Variants in TENM2 observed in about 807,000 individuals in gnomAD.
TENM2 encodes teneurin transmembrane protein 2.
TENM2 carries 52 observed loss-of-function variants against 245.2 expected under a neutral mutation model. That is an observed-to-expected ratio of 0.21 (90% confidence interval 0.17 to 0.27). The LOEUF is 0.27. TENM2 is among the 10% of genes least tolerant of loss of function. The pLI, the probability that TENM2 is intolerant of heterozygous loss-of-function variation, is 1.00. For synonymous variants in TENM2, 1,363 were observed against 1,438.9 expected, an observed-to-expected ratio of 0.95 and a Z score of 1.19; for missense variants, 3,046 against 3,666.8, an observed-to-expected ratio of 0.83 and a Z score of 4.37.
intron 2 of TENM2, among the ~76,000 whole-genome samples, chr5:167,602,408 G>A (rs1211018209): frequency 1.3e-5 from 2 of 152,098 alleles, no homozygotes; most frequent in Non-Finnish European, 2.9e-5. Context: ...CAGGGTTCAC[G>A]CCTTCATATT....
chr5:168,096,428 T>C (rs919040901), intron 8 of TENM2, among the ~76,000 whole-genome samples: 1 of 152,248 alleles, frequency 6.6e-6, no homozygotes, highest in Admixed American at 6.5e-5. Flanking sequence ...GAAATGTTAA[T>C]TGTTGTTACA....
At chr5:167,755,458 G>A (rs1228232689) in intron 2 of TENM2, among the ~76,000 whole-genome samples, 14 of 147,840 alleles carry the variant, frequency 9.5e-5, no homozygotes, top group African/African-American at 7.5e-5. Context: ...TATTTCACCA[G>A]AAAAAAAAAA....
At chr5:167,301,023 G>A (rs959643562) in intron 1 of TENM2, among the ~76,000 whole-genome samples, 1 of 152,138 alleles carries the variant, frequency 6.6e-6, no homozygotes, top group African/African-American at 2.4e-5. Context: ...TGAAAAGAAG[G>A]TAATGTGGAG....
chr5:168,065,782 G>T (rs1245959705), intron 7 of TENM2, among the ~76,000 whole-genome samples: 2 of 148,198 alleles, frequency 1.3e-5, no homozygotes, highest in Non-Finnish European at 3.0e-5. Context: ...TATTATTTTT[G>T]TTATAATAAA....
intron 5 of TENM2, among the ~76,000 whole-genome samples, chr5:168,004,497 A>C (rs947120624): frequency 3.3e-5 from 4 of 122,350 alleles, no homozygotes; most frequent in African/African-American, 1.4e-4. Context: ...CCCATTTGGG[A>C]TGCACGCATG....
At chr5:167,662,723 C>G (rs890022561) in intron 2 of TENM2, among the ~76,000 whole-genome samples, 18 of 151,992 alleles carry the variant, frequency 1.2e-4, no homozygotes, top group African/African-American at 3.6e-4. Context: ...CAATCTTTTC[C>G]CTGGGATAAA....
chr5:167,663,448 C>A (rs918225461), intron 2 of TENM2, among the ~76,000 whole-genome samples: 2 of 152,120 alleles, frequency 1.3e-5, no homozygotes, highest in Non-Finnish European at 2.9e-5. Flanking sequence ...AGAATAAACT[C>A]TTTTTCTCTG....
chr5:167,971,471 C>G (rs1728898619), intron 4 of TENM2, among the ~76,000 whole-genome samples: 1 of 152,098 alleles, frequency 6.6e-6, no homozygotes, highest in South Asian at 2.1e-4. Context: ...GAGGCCGAGG[C>G]AGGTGGATCA....
chr5:168,009,118 A>G (rs1319605869), intron 5 of TENM2, among the ~76,000 whole-genome samples: 4 of 152,234 alleles, frequency 2.6e-5, no homozygotes, highest in Non-Finnish European at 5.9e-5. Flanking sequence ...AGTCATTGGA[A>G]TATACATTAA....
intron 2 of TENM2, among the ~76,000 whole-genome samples, chr5:167,491,405 A>C (rs1768420397): frequency 6.6e-6 from 1 of 152,108 alleles, no homozygotes; most frequent in Admixed American, 6.6e-5. Context: ...CTTGTTCTTA[A>C]CTTTATTCAC....
chr5:167,081,411 A>G, the TENM2 span, among the ~76,000 whole-genome samples: 1 of 152,166 alleles, frequency 6.6e-6, no homozygotes, highest in Non-Finnish European at 1.5e-5. Flanking sequence ...ATAGTGAGTT[A>G]AATAATATAA....
the TENM2 span, among the ~76,000 whole-genome samples, chr5:167,279,448 T>C: frequency 1.3e-5 from 2 of 152,078 alleles, no homozygotes; most frequent in Non-Finnish European, 2.9e-5. Context: ...GTTTCTTTCT[T>C]TCTATCTTTC....
intron 2 of TENM2, among the ~76,000 whole-genome samples, chr5:167,449,367 G>A (rs1765421880): frequency 6.6e-6 from 1 of 152,136 alleles, no homozygotes; most frequent in African/African-American, 2.4e-5. Context: ...GGTGAAGGTG[G>A]GTGGGATGCT....
intron 2 of TENM2, among the ~76,000 whole-genome samples, chr5:167,604,645 T>C (rs1175319445): frequency 6.6e-6 from 1 of 152,198 alleles, no homozygotes; most frequent in African/African-American, 2.4e-5. Context: ...TTCTGATACC[T>C]GGAGCATCAG....
chr5:167,317,795 C>T (rs1036379190), intron 1 of TENM2, among the ~76,000 whole-genome samples: 46 of 152,084 alleles, frequency 3.0e-4, no homozygotes, highest in Non-Finnish European at 5.9e-5. Context: ...TCCTTGCCTG[C>T]TGAGATCATT....
intron 3 of TENM2, among the ~76,000 whole-genome samples, chr5:167,942,537 G>C (rs368096236): frequency 1.1e-4 from 16 of 152,170 alleles, no homozygotes; most frequent in African/African-American, 3.6e-4. Flanking sequence ...AGCACACCGG[G>C]ACCCAGTGAT....
At chr5:167,678,589 G>A (rs1282142201) in intron 2 of TENM2, among the ~76,000 whole-genome samples, 5 of 152,074 alleles carry the variant, frequency 3.3e-5, no homozygotes. Flanking sequence ...CCACCCATTA[G>A]ACTGCATCTC....
chr5:168,072,579 G>A (rs771290745), intron 7 of TENM2, among the ~76,000 whole-genome samples: 1 of 152,158 alleles, frequency 6.6e-6, no homozygotes, highest in Admixed American at 6.5e-5. Context: ...CAAGTAGGGA[G>A]GGTCGTGAGA....
chr5:167,846,837 G>T (rs933270273), intron 2 of TENM2, among the ~76,000 whole-genome samples: 1 of 152,156 alleles, frequency 6.6e-6, no homozygotes, highest in African/African-American at 2.4e-5. Flanking sequence ...AGAAGGTTGT[G>T]TGAATTGAAA....
Sources: allele counts gnomAD v4.1 joint callset (sites outside exome capture counted in the v4.1 genomes callset), GRCh38; gene constraint gnomAD v4.1.1; transcripts MANE v1.5; gene names NCBI Gene and HGNC (gene_info 2026-07-23, HGNC 2026-07-21).